CNBD1: variants seen among roughly 807,000 people sequenced by gnomAD.
The protein encoded by CNBD1 is cyclic nucleotide binding domain containing 1.
In CNBD1, 71 loss-of-function variants were observed where a neutral mutation model predicts 54.4. The observed-to-expected ratio is 1.30, with a 90% CI of 1.08 to 1.59. CNBD1 has a LOEUF of 1.59. CNBD1 is among the 40% of genes most tolerant of loss of function. The pLI is 0.00. For synonymous variants in CNBD1, 182 were observed against 170.7 expected, an observed-to-expected ratio of 1.07 and a Z score of -0.51; for missense variants, 659 against 518.0, an observed-to-expected ratio of 1.27 and a Z score of -2.64.
chr8:86,927,427 G>A (rs1046793827), intron 3 of CNBD1, among the ~76,000 whole-genome samples: 1 of 151,994 alleles, frequency 6.6e-6, no homozygotes, highest in African/African-American at 2.4e-5. Flanking sequence ...ATTTTTGGGG[G>A]CCCTGAGAAG....
chr8:87,081,728 G>C (rs755028410), intron 4 of CNBD1, among the ~76,000 whole-genome samples: 1 of 151,790 alleles, frequency 6.6e-6, no homozygotes, highest in African/African-American at 2.4e-5. Flanking sequence ...GGATGGTCTC[G>C]ATCTCTTGAC....
intron 8 of CNBD1, among the ~76,000 whole-genome samples, chr8:87,349,525 G>A (rs1428671503): frequency 1.3e-5 from 2 of 152,192 alleles, no homozygotes; most frequent in Admixed American, 6.5e-5. Context: ...ACAGGTGCGC[G>A]CCACCAGGCC....
chr8:87,224,357 A>C (rs1814425424), intron 5 of CNBD1, among the ~76,000 whole-genome samples: 1 of 151,232 alleles, frequency 6.6e-6, no homozygotes. Context: ...GTTTTCTTCT[A>C]GGGTTTTTAT....
chr8:87,427,574 CTGAA>C (rs1808071401), intron 2 of CNBD1, among the ~76,000 whole-genome samples: 1 of 152,110 alleles, frequency 6.6e-6, no homozygotes, highest in African/African-American at 2.4e-5. Flanking sequence ...GCCCAACTAT[CTGAA>C]TGAGTTGTGC....
intron 10 of CNBD1, among the ~76,000 whole-genome samples, chr8:87,366,085 T>C (rs1810635291): frequency 6.6e-6 from 1 of 152,102 alleles, no homozygotes; most frequent in Non-Finnish European, 1.5e-5. Context: ...GCCAGCTATA[T>C]GTGTGTATTA....
rs1813379666 is a variant in CNBD1, at chr8:87,182,592, G to A, written c.432-23401G>A. On this transcript the variant is annotated intron_variant, in intron 4 of 10. Transcript: ENST00000518476. This position sits in a 1 kb window ranked among gnomAD's most constrained non-coding sequence, Gnocchi z 4.1. ...CTTTTTAATGATAGCCATTCTGACTGATACGAGATGGTATCTCATCGTGGT... is the reference window on the plus strand; with the variant it reads ...CTTTTTAATGATAGCCATTCTGACTAATACGAGATGGTATCTCATCGTGGT... 6.6e-6 allele frequency among the ~76,000 whole-genome samples: 1 copy of A among 151,938 alleles called. No homozygotes were observed. The highest frequency in any genetic ancestry group is 6.6e-5 in the Admixed American group (1 of 15,256).
intron 6 of CNBD1, among the ~76,000 whole-genome samples, chr8:87,248,949 C>G (rs775123740): frequency 6.6e-6 from 1 of 152,124 alleles, no homozygotes; most frequent in African/African-American, 2.4e-5. Flanking sequence ...TGACTTAAAG[C>G]CTGCCACCAG....
At chr8:87,063,685 A>G (rs910520594) in intron 4 of CNBD1, among the ~76,000 whole-genome samples, 8 of 152,138 alleles carry the variant, frequency 5.3e-5, no homozygotes, top group African/African-American at 1.7e-4. Context: ...TCTATTATCT[A>G]TATATTTATT....
intron 2 of CNBD1, among the ~76,000 whole-genome samples, chr8:87,404,102 G>T (rs929413949): frequency 3.3e-5 from 5 of 152,040 alleles, no homozygotes; most frequent in African/African-American, 1.2e-4. Context: ...TTCAGGGAAG[G>T]TATTAGATCA....
At chr8:87,148,192 A>G (rs1195048430) in intron 4 of CNBD1, among the ~76,000 whole-genome samples, 1 of 152,122 alleles carries the variant, frequency 6.6e-6, no homozygotes, top group Non-Finnish European at 1.5e-5. Flanking sequence ...CAGATTTTTT[A>G]CCTTCAACCT....
chr8:87,378,926 G>T (rs1030867719), intron 10 of CNBD1, among the ~76,000 whole-genome samples: 23 of 149,108 alleles, frequency 1.5e-4, no homozygotes, highest in Non-Finnish European at 2.8e-4. Context: ...ATTGTGAATG[G>T]GAGTTCACTC....
intron 4 of CNBD1, among the ~76,000 whole-genome samples, chr8:86,948,591 A>T (rs1272725736): frequency 6.6e-6 from 1 of 152,062 alleles, no homozygotes; most frequent in Non-Finnish European, 1.5e-5. Flanking sequence ...TCTTTTGCCC[A>T]ATTTTAAATC....
chr8:86,967,179 TG>T (rs979440519), intron 4 of CNBD1, among the ~76,000 whole-genome samples: 1 of 152,072 alleles, frequency 6.6e-6, no homozygotes, highest in Non-Finnish European at 1.5e-5. Context: ...AAAGTGCGTG[TG>T]GGGGGTCCTT....
intron 6 of CNBD1, among the ~76,000 whole-genome samples, chr8:87,273,699 C>T (rs1808415082): frequency 6.6e-6 from 1 of 151,920 alleles, no homozygotes; most frequent in South Asian, 2.1e-4. Context: ...TTCTTGCACT[C>T]TTATCTTTTT....
chr8:87,379,310 T>A (rs1036306792), intron 10 of CNBD1, among the ~76,000 whole-genome samples: 4 of 151,866 alleles, frequency 2.6e-5, no homozygotes, highest in African/African-American at 9.7e-5. Context: ...CTGTCAACAT[T>A]AGACAGATCA....
intron 3 of CNBD1, among the ~76,000 whole-genome samples, chr8:86,918,307 A>G (rs1809219240): frequency 1.3e-5 from 2 of 152,186 alleles, no homozygotes; most frequent in South Asian, 4.1e-4. Context: ...GTTTGACAGA[A>G]AAACACCTGT....
chr8:86,904,187 C>T (rs1363526767), intron 2 of CNBD1, among the ~76,000 whole-genome samples: 4 of 151,950 alleles, frequency 2.6e-5, no homozygotes, highest in Non-Finnish European at 5.9e-5. Context: ...AAAGCCTTCT[C>T]TTGAGGATTT....
chr8:87,156,466 A>G (rs941116028), intron 4 of CNBD1, among the ~76,000 whole-genome samples: 2 of 149,244 alleles, frequency 1.3e-5, no homozygotes, highest in Non-Finnish European at 2.9e-5. Context: ...GCTGGTCTCA[A>G]CCCCTGACCT....
chr8:87,092,515 G>A (rs1563465653), intron 4 of CNBD1, among the ~76,000 whole-genome samples: 1 of 143,394 alleles, frequency 7.0e-6, no homozygotes, highest in African/African-American at 2.7e-5. Context: ...GTGTGTGTGT[G>A]TATGTGTGTG....
Sources: allele counts gnomAD v4.1 joint callset (sites outside exome capture counted in the v4.1 genomes callset), GRCh38; gene constraint gnomAD v4.1.1; non-coding constraint Gnocchi (gnomAD v3.1); transcripts MANE v1.5; gene names NCBI Gene and HGNC (gene_info 2026-07-23, HGNC 2026-07-21).